Variants in MYRIP observed in about 807,000 individuals in gnomAD.
MYRIP encodes myosin VIIA and Rab interacting protein, also known as rab effector MyRIP.
MYRIP carries 49 observed loss-of-function variants against 98.0 expected under a neutral mutation model. That is an observed-to-expected ratio of 0.50 (90% CI 0.40 to 0.63). MYRIP has a LOEUF of 0.63. MYRIP is among the 30% of genes least tolerant of loss of function. The pLI, the probability that MYRIP is intolerant of heterozygous loss-of-function variation, is 0.00. For synonymous variants in MYRIP, 404 were observed against 409.5 expected (o/e 0.99, Z 0.16); for missense variants, 1,004 against 1,058.2 (o/e 0.95, Z 0.71).
intron 10 of MYRIP, among the ~76,000 whole-genome samples, chr3:40,208,000 A>C (rs1365667634): frequency 6.6e-6 from 1 of 152,190 alleles, no homozygotes; most frequent in East Asian, 1.9e-4. Context: ...AAGCAGATTC[A>C]AAATAGTGAT....
chr3:40,047,934 A>T (rs926911334), intron 3 of MYRIP, among the ~76,000 whole-genome samples: 1 of 152,182 alleles, frequency 6.6e-6, no homozygotes, highest in African/African-American at 2.4e-5. Flanking sequence ...TTCATCATGT[A>T]ACACATTTAA....
At chr3:39,887,934 T>G (rs995347777) in intron 1 of MYRIP, among the ~76,000 whole-genome samples, 2 of 151,358 alleles carry the variant, frequency 1.3e-5, no homozygotes, top group African/African-American at 4.9e-5. Context: ...CACAATTGCT[T>G]CAAAGAGAAT....
chr3:39,977,633 A>G (rs1945789979), intron 2 of MYRIP, among the ~76,000 whole-genome samples: 1 of 152,136 alleles, frequency 6.6e-6, no homozygotes, highest in Non-Finnish European at 1.5e-5. Context: ...AGTCTTGTGA[A>G]ATGGAGATCT....
chr3:39,846,824 T>G (rs999546522), intron 1 of MYRIP, among the ~76,000 whole-genome samples: 1 of 152,154 alleles, frequency 6.6e-6, no homozygotes, highest in African/African-American at 2.4e-5. Context: ...GCATTTGCAG[T>G]GTGGGCCAGC....
chr3:40,201,130 A>C (rs1235454057), intron 10 of MYRIP, among the ~76,000 whole-genome samples: 1 of 152,184 alleles, frequency 6.6e-6, no homozygotes, highest in Non-Finnish European at 1.5e-5. Flanking sequence ...CTGATTGCAA[A>C]AATTCAAAAA....
chr3:39,972,004 T>C (rs1160575582), intron 2 of MYRIP, among the ~76,000 whole-genome samples: 1 of 152,082 alleles, frequency 6.6e-6, no homozygotes, highest in African/African-American at 2.4e-5. Context: ...GCCAGTAAAA[T>C]TATAATTGAC....
intron 11 of MYRIP, among the ~76,000 whole-genome samples, chr3:40,212,195 CATATATATACGTGTGTGTATATAT>C (rs1951967462): frequency 4.7e-5 from 1 of 21,368 alleles, no homozygotes; most frequent in Non-Finnish European, 1.4e-4. Flanking sequence ...TGTGTATATA[CATATATATACGTGTGTGTATATAT>C]ATATATACAC....
chr3:39,902,506 C>A (rs570738457), intron 2 of MYRIP, among the ~76,000 whole-genome samples: 53 of 152,274 alleles, frequency 3.5e-4, no homozygotes, highest in Admixed American at 1.2e-3. Context: ...GTTTTGTGCC[C>A]CAATCTCTGG....
At chr3:40,142,853 A>G (rs1264164256) in intron 3 of MYRIP, among the ~76,000 whole-genome samples, 1 of 152,186 alleles carries the variant, frequency 6.6e-6, no homozygotes, top group African/African-American at 2.4e-5. Context: ...AAATCTCATC[A>G]CCAGGAGAGC....
intron 2 of MYRIP, among the ~76,000 whole-genome samples, chr3:39,939,473 G>T (rs868485056): frequency 2.0e-5 from 3 of 152,050 alleles, no homozygotes; most frequent in South Asian, 2.1e-4. Context: ...ATTACATCTA[G>T]TGAAACACAC....
chr3:40,053,629 T>G (rs1255145236), intron 3 of MYRIP, among the ~76,000 whole-genome samples: 1 of 151,860 alleles, frequency 6.6e-6, no homozygotes, highest in Non-Finnish European at 1.5e-5. Context: ...AAACTTGGAA[T>G]GATTATGTGG....
At chr3:40,211,022 CA>C (rs1490610991) in intron 11 of MYRIP, among the ~76,000 whole-genome samples, 2 of 152,138 alleles carry the variant, frequency 1.3e-5, no homozygotes, top group African/African-American at 4.8e-5. Flanking sequence ...TACACATGTT[CA>C]TTAGGTCCTT....
intron 3 of MYRIP, among the ~76,000 whole-genome samples, chr3:40,049,519 C>T (rs1947743159): frequency 6.6e-6 from 1 of 151,950 alleles, no homozygotes; most frequent in African/African-American, 2.4e-5. Flanking sequence ...CTGACTGCTC[C>T]ACTGACTGGT....
chr3:40,026,426 T>C (rs1316642042), intron 2 of MYRIP, among the ~76,000 whole-genome samples: 3 of 152,180 alleles, frequency 2.0e-5, no homozygotes, highest in Admixed American at 2.0e-4. Context: ...ACACATGTTT[T>C]ACAATCAATT....
intron 12 of MYRIP, among the ~76,000 whole-genome samples, chr3:40,236,857 T>A (rs970930365): frequency 1.3e-5 from 2 of 151,994 alleles, no homozygotes; most frequent in Non-Finnish European, 1.5e-5. Flanking sequence ...TTTTTTTTTT[T>A]AAGTAGAAAT....
chr3:40,186,985 T>G (rs1951053340), intron 9 of MYRIP, among the ~76,000 whole-genome samples: 1 of 152,220 alleles, frequency 6.6e-6, no homozygotes, highest in South Asian at 2.1e-4. Flanking sequence ...CAAGCCACTC[T>G]TCTGAATAGC....
rs906598447 is a variant in MYRIP, at chr3:40,167,103, C to G, written c.649-56C>G. ...GGTCAGGACTCTCCTGGCAAAGTGA[C>G]TGCCAAGTCACCCCAAATCCACCCA... On this transcript the variant is annotated intron_variant, in intron 6 of 16. Coordinates refer to ENST00000302541, the MANE Select transcript of MYRIP (RefSeq NM_015460.4). 5 of 1,565,916 alleles carry G rather than the reference C, an allele frequency of 3.2e-6. No individual in the cohort carries two copies. The African/African-American group carries it at 6.8e-5, about 21-fold the overall frequency.
At chr3:40,247,351 G>C (rs1216367229) in intron 13 of MYRIP, among the ~76,000 whole-genome samples, 2 of 151,876 alleles carry the variant, frequency 1.3e-5, no homozygotes, top group Non-Finnish European at 2.9e-5. Context: ...TTTTGTACTA[G>C]GTATTTGTCC....
chr3:40,047,950 A>G (rs1448110102), intron 3 of MYRIP, among the ~76,000 whole-genome samples: 1 of 152,200 alleles, frequency 6.6e-6, no homozygotes, highest in East Asian at 1.9e-4. Context: ...TTTAAGGATT[A>G]CGTGACTTGA....
Sources: allele counts gnomAD v4.1 joint callset (sites outside exome capture counted in the v4.1 genomes callset), GRCh38; gene constraint gnomAD v4.1.1; transcripts MANE v1.5; gene names NCBI Gene and HGNC (gene_info 2026-07-23, HGNC 2026-07-21).